The following WDR72 variants were observed in gnomAD, a reference collection of about 807,000 sequenced individuals.
The protein encoded by WDR72 is WD repeat-containing protein 72.
Under a neutral mutation model 124.2 loss-of-function variants are expected in WDR72, and 120 were observed. The ratio of observed to expected loss-of-function variants is 0.97; its 90% CI spans 0.83 to 1.12. The LOEUF (loss-of-function observed/expected upper bound fraction) is 1.12, where lower values mean the gene tolerates loss of function less well. WDR72 is among the 50% of genes most tolerant of loss of function. WDR72 has a pLI of 0.00. For synonymous variants in WDR72, 452 were observed against 441.7 expected (o/e 1.02, Z -0.29); for missense variants, 1,387 against 1,278.8 (o/e 1.08, Z -1.29).
At chr15:53,737,567 G>C (rs947008393) in intron 1 of WDR72, among the ~76,000 whole-genome samples, 1 of 151,968 alleles carries the variant, frequency 6.6e-6, no homozygotes, top group Admixed American at 6.6e-5. Flanking sequence ...GGGAGGTGGT[G>C]GTCACTATAT....
chr15:53,605,758 G>A (rs1379577165), intron 17 of WDR72, among the ~76,000 whole-genome samples: 3 of 152,122 alleles, frequency 2.0e-5, no homozygotes, highest in Non-Finnish European at 4.4e-5. Flanking sequence ...GGGAGGATGA[G>A]GCAGAAGCGT....
At chr15:53,715,130 T>C in intron 5 of WDR72, 63 bp downstream of exon 5, 1 of 1,559,288 alleles carries the variant, frequency 6.4e-7, no homozygotes, top group Non-Finnish European at 8.8e-7. Flanking sequence ...ATTTGACAAA[T>C]AATTCAAAAG....
chr15:53,711,797 G>A (rs1338555485), intron 7 of WDR72, among the ~76,000 whole-genome samples: 1 of 152,110 alleles, frequency 6.6e-6, no homozygotes, highest in Non-Finnish European at 1.5e-5. Context: ...ATTTGAAAAT[G>A]TATTATGCAC....
chr15:53,639,514 A>AATTTTATTTATTTATAAAATTATATATC (rs2014758646), intron 14 of WDR72, among the ~76,000 whole-genome samples: 1 of 146,950 alleles, frequency 6.8e-6, no homozygotes, highest in Non-Finnish European at 1.5e-5. Context: ...AATTATATAT[A>AATTTTATTTATTTATAAAATTATATATC]ATTTTATTTA....
intron 18 of WDR72, among the ~76,000 whole-genome samples, chr15:53,563,850 C>T (rs1384088745): frequency 6.6e-6 from 1 of 151,760 alleles, no homozygotes; most frequent in Admixed American, 6.6e-5. Context: ...CGTCATCCAT[C>T]ATCCCTGGTC....
At chr15:53,739,183 G>C (rs992008004) in intron 1 of WDR72, among the ~76,000 whole-genome samples, 2 of 152,052 alleles carry the variant, frequency 1.3e-5, no homozygotes, top group African/African-American at 4.8e-5. Flanking sequence ...GAAGGAGAAT[G>C]AAGTGAAGAA....
At chr15:53,614,557 G>A (rs898843654) in intron 15 of WDR72, among the ~76,000 whole-genome samples, 2 of 151,956 alleles carry the variant, frequency 1.3e-5, no homozygotes, top group Non-Finnish European at 2.9e-5. Flanking sequence ...AATGAAAGGC[G>A]TACCAAAAGT....
At chr15:53,711,600 T>A in intron 7 of WDR72, 119 bp from the exon 8 acceptor site, 1 of 1,035,570 alleles carries the variant, frequency 9.7e-7, no homozygotes. Context: ...CAGACCATAC[T>A]GTACTCTCAT....
intron 18 of WDR72, among the ~76,000 whole-genome samples, chr15:53,589,658 T>C (rs556125480): frequency 6.6e-6 from 1 of 152,142 alleles, no homozygotes; most frequent in Admixed American, 6.6e-5. Context: ...CAATCATAGA[T>C]AAAGTGGTGC....
chr15:53,564,890 CA>C (rs546731808), intron 18 of WDR72, among the ~76,000 whole-genome samples: 34 of 151,872 alleles, frequency 2.2e-4, no homozygotes, highest in African/African-American at 6.8e-4. Context: ...ATGCTGGGGC[CA>C]AAAGCCCAGA....
At chr15:53,674,177 G>A (rs1448055294) in intron 13 of WDR72, among the ~76,000 whole-genome samples, 1 of 152,168 alleles carries the variant, frequency 6.6e-6, no homozygotes, top group Non-Finnish European at 1.5e-5. Context: ...TATTGGGCAA[G>A]TGATTAAGAG....
At chr15:53,743,228 GTAA>G (rs2018555156) in intron 1 of WDR72, among the ~76,000 whole-genome samples, 1 of 152,072 alleles carries the variant, frequency 6.6e-6, no homozygotes, top group Admixed American at 6.5e-5. Flanking sequence ...TATTTTAGGT[GTAA>G]TAATTATGAA....
At position 53,700,023 on chromosome 15, in the gene WDR72, G is replaced by A. The variant is rs985715837; in HGVS notation, c.1570-78C>T. ...GAGTAAGTCAGATTTTTTTCTCCCA[G>A]TAACATAAAAAAGTTTTGTTAAAGC... On this transcript the variant is annotated intron_variant, in intron 12 of 19. Coordinates refer to ENST00000360509, the MANE Select transcript of WDR72 (RefSeq NM_182758.4). 9.5e-6 allele frequency: 15 copies of A among 1,571,468 alleles called. No homozygotes were observed. The East Asian group carries it at 3.4e-4, about 35-fold the overall frequency.
intron 1 of WDR72, among the ~76,000 whole-genome samples, chr15:53,753,639 G>A (rs545786898): frequency 1.6e-4 from 24 of 152,252 alleles, no homozygotes; most frequent in African/African-American, 5.8e-4. Context: ...CTCACCACTT[G>A]ATTATTCAAA....
chr15:53,691,378 C>G (rs2016834769), intron 13 of WDR72, among the ~76,000 whole-genome samples: 1 of 152,118 alleles, frequency 6.6e-6, no homozygotes, highest in South Asian at 2.1e-4. Context: ...TTGAGTGGCT[C>G]GTCTTTTGTT....
intron 18 of WDR72, among the ~76,000 whole-genome samples, chr15:53,530,401 G>C (rs1892384767): frequency 6.6e-6 from 1 of 151,754 alleles, no homozygotes; most frequent in African/African-American, 2.4e-5. Context: ...AGAATGTATA[G>C]AAACTAATTC....
intron 17 of WDR72, among the ~76,000 whole-genome samples, chr15:53,604,115 A>T: frequency 6.6e-6 from 1 of 152,204 alleles, no homozygotes; most frequent in East Asian, 1.9e-4. Context: ...ACAGCAAGGT[A>T]CTGGTACAAG....
intron 14 of WDR72, among the ~76,000 whole-genome samples, chr15:53,646,052 A>G (rs2015030064): frequency 1.3e-5 from 2 of 152,182 alleles, no homozygotes; most frequent in South Asian, 4.1e-4. Flanking sequence ...GTGGCTTCTT[A>G]AAAAGCATCG....
chr15:53,633,023 G>A (rs1436998939), intron 14 of WDR72, among the ~76,000 whole-genome samples: 1 of 152,188 alleles, frequency 6.6e-6, no homozygotes, highest in African/African-American at 2.4e-5. Flanking sequence ...ATACTGTTGG[G>A]AAGGTGTGAT....
Sources: gnomAD v4.1 joint callset for allele counts (sites outside exome capture counted in the v4.1 genomes callset) on GRCh38, gnomAD v4.1.1 for gene constraint, MANE v1.5 for transcripts, NCBI Gene and HGNC (gene_info 2026-07-23, HGNC 2026-07-21) for gene names.